Variants in ZSCAN25 observed in about 807,000 individuals in gnomAD.
ZSCAN25 encodes zinc finger and SCAN domain containing 25, also known as zinc finger and SCAN domain-containing protein 25.
ZSCAN25 carries 27 observed loss-of-function variants against 38.7 expected under a neutral mutation model. The observed-to-expected ratio is 0.70, with a 90% CI of 0.51 to 0.96. The LOEUF (loss-of-function observed/expected upper bound fraction) is 0.96. Ranked by LOEUF, ZSCAN25 falls within the 40% of genes least tolerant of loss-of-function variation. The probability of loss-of-function intolerance (pLI) is 0.00; values close to 1 mark genes in which losing one functional copy is unlikely to be tolerated. For missense variants in ZSCAN25, 637 were observed against 705.9 expected (o/e 0.90, Z 1.11); for synonymous variants, 273 against 277.7 (o/e 0.98, Z 0.17).
the ZSCAN25 span, among the ~76,000 whole-genome samples, chr7:99,723,888 T>C: frequency 1.3e-5 from 2 of 152,232 alleles, no homozygotes; most frequent in Non-Finnish European, 2.9e-5. Flanking sequence ...AGTCTTCCCT[T>C]GGTGTCTAAA....
At chr7:99,665,385 A>C in the ZSCAN25 span, 1 of 1,569,364 alleles carries the variant, frequency 6.4e-7, no homozygotes, top group Admixed American at 1.7e-5. Flanking sequence ...ATGCAGCAAG[A>C]AACCCACATA....
the ZSCAN25 span, among the ~76,000 whole-genome samples, chr7:99,701,463 T>G: frequency 1.8e-4 from 27 of 152,328 alleles, no homozygotes; most frequent in South Asian, 5.0e-3. Flanking sequence ...TCTTCCTGGT[T>G]TATACCCAGC....
the ZSCAN25 span, among the ~76,000 whole-genome samples, chr7:99,694,595 A>G: frequency 2.6e-5 from 4 of 152,290 alleles, no homozygotes; most frequent in South Asian, 8.3e-4. Context: ...TGGGGGGTAC[A>G]TCTACTAAAG....
At chr7:99,628,386 CCTTTT>C (rs1260539608) in intron 7 of ZSCAN25, among the ~76,000 whole-genome samples, 13 of 152,162 alleles carry the variant, frequency 8.5e-5, no homozygotes, top group Middle Eastern at 6.8e-3. Flanking sequence ...TTCCCCAATA[CCTTTT>C]CTTTTCTTTT....
the ZSCAN25 span, chr7:99,717,088 A>G: frequency 7.0e-6 from 11 of 1,564,958 alleles, no homozygotes; most frequent in East Asian, 2.5e-4. Flanking sequence ...GGTCACTGGA[A>G]TAACCCAACA....
At chr7:99,705,557 T>C in the ZSCAN25 span, 2 of 1,613,726 alleles carry the variant, frequency 1.2e-6, no homozygotes, top group Non-Finnish European at 1.7e-6. Context: ...TGGGTTTTTC[T>C]GTTAGAAGAA....
the ZSCAN25 span, among the ~76,000 whole-genome samples, chr7:99,665,981 C>A: frequency 6.6e-6 from 1 of 152,324 alleles, no homozygotes; most frequent in Middle Eastern, 3.4e-3. Flanking sequence ...TGAGTGACCA[C>A]ATGTCCCAAG....
chr7:99,695,728 G>A, the ZSCAN25 span: 3 of 1,605,114 alleles, frequency 1.9e-6, no homozygotes, highest in Non-Finnish European at 2.6e-6. Flanking sequence ...GCCAAAGAGT[G>A]AGCTCAAAAA....
Position 99,619,582 on chromosome 7 carries a change from C to T in ZSCAN25, c.-25C>T, listed in dbSNP as rs374716465. 2 of 1,587,482 alleles carry T rather than the reference C, an allele frequency of 1.3e-6. No homozygotes were observed. The highest frequency in any genetic ancestry group is 1.7e-6 in the Non-Finnish European group (2 of 1,165,848). ...AAAGGGTCATTGATGCAGTCATTCT[C>T]AGTCTCCTCGGAGGGAGTCTGAAGA... On this transcript the variant is annotated 5_prime_UTR_variant, in exon 4 of 8. Transcript: ENST00000394152.
At chr7:99,654,531 G>A in the ZSCAN25 span, among the ~76,000 whole-genome samples, 1 of 152,140 alleles carries the variant, frequency 6.6e-6, no homozygotes, top group African/African-American at 2.4e-5. Context: ...GAATAGTGCT[G>A]CAATAAACAT....
At chr7:99,668,706 A>G in the ZSCAN25 span, among the ~76,000 whole-genome samples, 1 of 152,242 alleles carries the variant, frequency 6.6e-6, no homozygotes, top group Non-Finnish European at 1.5e-5. Context: ...TGCCACGTGA[A>G]GTGAATTGTG....
At chr7:99,694,451 C>A in the ZSCAN25 span, among the ~76,000 whole-genome samples, 1 of 152,198 alleles carries the variant, frequency 6.6e-6, no homozygotes, top group Non-Finnish European at 1.5e-5. Context: ...AATGTCCCCT[C>A]TACACATTGG....
In ZSCAN25 at chr7:99,629,235, C is replaced by T; in HGVS notation, c.850C>T (p.Leu284=). ...EKEAKPPQED[L]KGALVALTSE... ...GGAGGCAAAACCCCCACAGGAAGAC[C>T]TGAAAGGGGCGCTGGTGGCACTGAC... Residue 284 remains leucine, a synonymous_variant, in exon 8 of 8, where the codon CTG becomes TTG. Coordinates refer to ENST00000394152, the MANE Select transcript of ZSCAN25 (RefSeq NM_145115.3). The surrounding 1 kb of genome is among the most constrained non-coding windows in gnomAD (Gnocchi z 5.6). The T allele has an allele frequency of 6.2e-7, 1 of 1,613,766 alleles. No individual in the cohort carries two copies. Among genetic ancestry groups the T allele is most frequent in the African/African-American group, 1.3e-5 (1 of 75,020 alleles).
At chr7:99,636,635 T>C (rs1430040527), downstream of ZSCAN25, among the ~76,000 whole-genome samples, 1 of 152,240 alleles carries the variant, frequency 6.6e-6, no homozygotes, top group Non-Finnish European at 1.5e-5. Flanking sequence ...TCTACATTTC[T>C]TAAATTCCCT....
chr7:99,621,279 C>A, intron 4 of ZSCAN25, 94 bp from the exon 5 acceptor site: 4 of 1,162,492 alleles, frequency 3.4e-6, no homozygotes, highest in African/African-American at 3.1e-5. Context: ...TGGAATGGTT[C>A]TTTTCTTGGT....
chr7:99,714,697 A>T, the ZSCAN25 span: 3 of 1,609,812 alleles, frequency 1.9e-6, no homozygotes, highest in Non-Finnish European at 2.5e-6. Flanking sequence ...AGAAAAAAAA[A>T]ACCAACAGAA....
chr7:99,725,985 T>C, the ZSCAN25 span, among the ~76,000 whole-genome samples: 2 of 152,192 alleles, frequency 1.3e-5, no homozygotes, highest in East Asian at 3.9e-4. Flanking sequence ...CATTCTTTTA[T>C]GCACTCCTTT....
the ZSCAN25 span, chr7:99,660,214 C>CTTTTTTTTTTTT: frequency 7.1e-6 from 3 of 424,270 alleles, 1 homozygote; most frequent in East Asian, 5.3e-4. Flanking sequence ...CGCCACACTC[C>CTTTTTTTTTTTT]TTTTTTTTTT....
At chr7:99,673,754 A>C in the ZSCAN25 span, among the ~76,000 whole-genome samples, 2 of 152,214 alleles carry the variant, frequency 1.3e-5, no homozygotes, top group East Asian at 3.9e-4. Flanking sequence ...AGCACATATT[A>C]GAAGGGTCTG....
Sources: gnomAD v4.1 joint callset for allele counts (sites outside exome capture counted in the v4.1 genomes callset) on GRCh38, gnomAD v4.1.1 for gene constraint, Gnocchi (gnomAD v3.1) non-coding constraint, MANE v1.5 for transcripts, NCBI Gene and HGNC (gene_info 2026-07-23, HGNC 2026-07-21) for gene names.